The following PAFAH1B2 variants were observed in gnomAD, a reference collection of about 807,000 sequenced individuals.
The protein encoded by PAFAH1B2 is platelet activating factor acetylhydrolase 1b catalytic subunit 2, also known as platelet-activating factor acetylhydrolase IB subunit alpha2.
A neutral mutation model predicts 28.0 loss-of-function variants in PAFAH1B2; 8 were observed. That is an observed-to-expected ratio of 0.29 (90% CI 0.17 to 0.52). PAFAH1B2 has a LOEUF of 0.52. PAFAH1B2 is among the 20% of genes least tolerant of loss of function. PAFAH1B2 has a pLI of 0.97. For missense variants in PAFAH1B2, 190 were observed against 282.6 expected, an observed-to-expected ratio of 0.67 and a Z score of 2.35; for synonymous variants, 104 against 103.2, an observed-to-expected ratio of 1.01 and a Z score of -0.05.
rs527424140 is a variant in PAFAH1B2, at chr11:117,150,783, C to T, written c.-7-1658C>T. 5.3e-5 allele frequency among the ~76,000 whole-genome samples: 8 copies of T among 152,082 alleles called. No homozygotes were observed. In the South Asian group the frequency reaches 1.5e-3, roughly 28 times the overall value. On this transcript the variant is annotated intron_variant, in intron 1 of 5. Transcript: ENST00000527958. ...GATGACCTCCTTTTCTTCAGGAGAT[C>T]GAGACCGTCCTGGCTAACACGGTGA...
intron 5 of PAFAH1B2, among the ~76,000 whole-genome samples, chr11:117,165,416 C>G (rs1228539374): frequency 6.6e-6 from 1 of 151,636 alleles, no homozygotes; most frequent in Non-Finnish European, 1.5e-5. Flanking sequence ...TTAGCAAAAT[C>G]TGATACAAAT....
chr11:117,169,155 G>A lies in PAFAH1B2; in HGVS notation c.*1456G>A. 9.7e-7 allele frequency: 1 copy of A among 1,026,796 alleles called. No homozygotes were observed. Among genetic ancestry groups the A allele is most frequent in the African/African-American group, 1.7e-5 (1 of 58,962 alleles). 63.6% of individuals were successfully genotyped at this position (1,026,796 alleles called of 1,614,324 possible). On this transcript the variant is annotated 3_prime_UTR_variant, in exon 6 of 6. Transcript: ENST00000527958. ...GGCCTTTTTCTGTGGGGAAACAAGTGAAGCTGCTCTTCAGCATAGACACTA... is the reference window on the plus strand; with the variant it reads ...GGCCTTTTTCTGTGGGGAAACAAGTAAAGCTGCTCTTCAGCATAGACACTA...
Position 117,155,903 on chromosome 11 carries a change from A to G in PAFAH1B2, c.81+3375A>G, listed in dbSNP as rs188711911. Among the ~76,000 whole-genome samples the G allele has an allele frequency of 2.4e-4, 36 of 152,234 alleles. No individual in the cohort carries two copies. In the South Asian group the frequency reaches 4.6e-3, roughly 19 times the overall value. On this transcript the variant is annotated intron_variant, in intron 2 of 5. Coordinates refer to ENST00000527958, the MANE Select transcript of PAFAH1B2 (RefSeq NM_002572.4). ...AAATGTGTCGTTGAGTGCATTCAGT[A>G]GAGTATATTATGTGTAGTGGCTCAT... is the stretch of plus-strand genomic sequence containing the variant.
Position 117,168,948 on chromosome 11 carries a change from G to T in PAFAH1B2, c.*1249G>T. 1 of 291,530 alleles carries T rather than the reference G, an allele frequency of 3.4e-6. No individual in the cohort carries two copies. The highest frequency in any genetic ancestry group is 1.4e-3 in the Middle Eastern group (1 of 724). The allele number at this position is 291,530 out of a possible 1,614,324, so 18.1% of individuals were successfully genotyped here. A position where few individuals can be genotyped will look rare whatever the true frequency, so the allele number is the denominator to read the frequency against. On this transcript the variant is annotated 3_prime_UTR_variant, in exon 6 of 6. Transcript: ENST00000527958. ...TGGGATTACAGGTGCATGCCACCAT[G>T]CCCGGCTAATTTTTATATTTTTATT... is the stretch of plus-strand genomic sequence containing the variant.
downstream of PAFAH1B2, chr11:117,171,651 C>G (rs1393698110): frequency 2.0e-6 from 3 of 1,475,150 alleles, no homozygotes; most frequent in African/African-American, 4.2e-5. Flanking sequence ...AATACTCTAT[C>G]TCAGAGATAG....
chr11:117,160,114 T>C, intron 3 of PAFAH1B2, 91 bp downstream of exon 3: 7 of 908,404 alleles, frequency 7.7e-6, no homozygotes, highest in Non-Finnish European at 1.3e-5. Context: ...AACTTACTTA[T>C]TTGTGACTCT....
chr11:117,146,568 C>G (rs1292186733), intron 1 of PAFAH1B2, among the ~76,000 whole-genome samples: 1 of 152,128 alleles, frequency 6.6e-6, no homozygotes, highest in Non-Finnish European at 1.5e-5. Context: ...TGGCGTGGGC[C>G]TGCAGTACCA....
intron 1 of PAFAH1B2, among the ~76,000 whole-genome samples, chr11:117,147,262 C>CT (rs1433796049): frequency 3.3e-5 from 5 of 152,116 alleles, no homozygotes; most frequent in Non-Finnish European, 7.4e-5. Flanking sequence ...GAGCGAAACT[C>CT]TGTCTCAAAA....
downstream of PAFAH1B2, chr11:117,171,681 G>C (rs570966706): frequency 1.3e-6 from 2 of 1,534,230 alleles, no homozygotes; most frequent in Non-Finnish European, 1.7e-6. Flanking sequence ...AACAAGGGTC[G>C]GTTAACTGGT....
chr11:117,172,437 G>A (rs1956694514), downstream of PAFAH1B2, among the ~76,000 whole-genome samples: 1 of 121,976 alleles, frequency 8.2e-6, no homozygotes, highest in Non-Finnish European at 1.6e-5. Context: ...TTTACATTCT[G>A]GTCAAGCTTT....
At chr11:117,173,214 A>T (rs1284045255), downstream of PAFAH1B2, among the ~76,000 whole-genome samples, 1 of 152,216 alleles carries the variant, frequency 6.6e-6, no homozygotes, top group African/African-American at 2.4e-5. Context: ...GCAGGGCCTG[A>T]GTATATCACA....
At chr11:117,175,943 G>T (rs1056192542), downstream of PAFAH1B2, 2 of 1,534,208 alleles carry the variant, frequency 1.3e-6, no homozygotes, top group Non-Finnish European at 1.7e-6. Flanking sequence ...TACCATGAAA[G>T]AAAAGTCCAG....
intron 2 of PAFAH1B2, among the ~76,000 whole-genome samples, chr11:117,157,910 G>T (rs975328211): frequency 6.6e-6 from 1 of 152,072 alleles, no homozygotes; most frequent in African/African-American, 2.4e-5. Flanking sequence ...GGCTGAGGCG[G>T]GTGGATCACC....
At chr11:117,146,918 A>G (rs1463512399) in intron 1 of PAFAH1B2, among the ~76,000 whole-genome samples, 5 of 150,790 alleles carry the variant, frequency 3.3e-5, no homozygotes, top group African/African-American at 1.2e-4. Flanking sequence ...GTGAGCCATG[A>G]TTTCTCCACT....
At chr11:117,145,103 A>G (rs1360862166) in intron 1 of PAFAH1B2, among the ~76,000 whole-genome samples, 1 of 152,138 alleles carries the variant, frequency 6.6e-6, no homozygotes, top group Non-Finnish European at 1.5e-5. Flanking sequence ...CATCTTAGAC[A>G]TGAATGTGCT....
rs55914924 is a variant in PAFAH1B2, at chr11:117,168,262, C to T, written c.*563C>T. The T allele has an allele frequency of 1.0e-5, 11 of 1,062,686 alleles. No homozygotes were observed. The highest frequency in any genetic ancestry group is 1.3e-5 in the Non-Finnish European group (11 of 877,708). 65.8% of individuals were successfully genotyped at this position (1,062,686 alleles called of 1,614,324 possible). ...TGCTATAGTTAGAAGTGAATTTGTT[C>T]TGCTTTCTTAATCTTTTCCATGCTT... On this transcript the variant is annotated 3_prime_UTR_variant, in exon 6 of 6. Coordinates refer to ENST00000527958, the MANE Select transcript of PAFAH1B2 (RefSeq NM_002572.4).
intron 1 of PAFAH1B2, among the ~76,000 whole-genome samples, chr11:117,146,026 A>G (rs997703481): frequency 3.9e-5 from 6 of 152,134 alleles, no homozygotes; most frequent in African/African-American, 9.7e-5. Flanking sequence ...ATGGACAACA[A>G]AGCTTCCCCT....
At chr11:117,172,440 C>G (rs1956694610), downstream of PAFAH1B2, among the ~76,000 whole-genome samples, 1 of 131,574 alleles carries the variant, frequency 7.6e-6, no homozygotes, top group African/African-American at 2.9e-5. Flanking sequence ...ACATTCTGGT[C>G]AAGCTTTGGC....
In PAFAH1B2 at chr11:117,170,645, A is replaced by G. The variant is rs1956631333; in HGVS notation, c.*2946A>G. ...TCTGTTTAAAAAAAAAAAAAAAAAAAAAGTCCAACTTACTTTATTTTATTT... is the reference window on the plus strand; with the variant it reads ...TCTGTTTAAAAAAAAAAAAAAAAAAGAAGTCCAACTTACTTTATTTTATTT... On this transcript the variant is annotated 3_prime_UTR_variant, in exon 6 of 6. Coordinates refer to ENST00000527958, the MANE Select transcript of PAFAH1B2 (RefSeq NM_002572.4). 9.5e-7 allele frequency: 1 copy of G among 1,055,050 alleles called. No homozygotes were observed. Among genetic ancestry groups the G allele is most frequent in the Non-Finnish European group, 1.1e-6 (1 of 873,534 alleles). 65.4% of individuals were successfully genotyped at this position (1,055,050 alleles called of 1,614,324 possible). A position where few individuals can be genotyped will look rare whatever the true frequency, so the allele number is the denominator to read the frequency against.
Sources: allele counts gnomAD v4.1 joint callset (sites outside exome capture counted in the v4.1 genomes callset), GRCh38; gene constraint gnomAD v4.1.1; transcripts MANE v1.5; gene names NCBI Gene and HGNC (gene_info 2026-07-23, HGNC 2026-07-21).